The following ANKRD54 variants were observed in gnomAD, a reference collection of about 807,000 sequenced individuals.
ANKRD54 encodes ankyrin repeat domain 54, also known as ankyrin repeat domain-containing protein 54.
A neutral mutation model predicts 36.2 loss-of-function variants in ANKRD54; 26 were observed. That is an observed-to-expected ratio of 0.72 (90% CI 0.53 to 1.00). The LOEUF (loss-of-function observed/expected upper bound fraction) is 1.00, where lower values mean the gene tolerates loss of function less well. ANKRD54 is among the 50% of genes least tolerant of loss of function. ANKRD54 has a pLI of 0.00. For synonymous variants in ANKRD54, 209 were observed against 188.4 expected, an observed-to-expected ratio of 1.11 and a Z score of -0.89; for missense variants, 384 against 424.3, an observed-to-expected ratio of 0.91 and a Z score of 0.83.
chr22:37,836,374 A>T (rs1923534993), intron 3 of ANKRD54, among the ~76,000 whole-genome samples: 1 of 136,662 alleles, frequency 7.3e-6, no homozygotes, highest in African/African-American at 2.7e-5. Flanking sequence ...TTAACCCGGG[A>T]GGCAGAGGTT....
chr22:37,849,134 G>T, upstream of ANKRD54: 1 of 452,968 alleles, frequency 2.2e-6, no homozygotes, highest in South Asian at 4.4e-5. Flanking sequence ...TTACAGGCAT[G>T]CGCCACCACT....
chr22:37,835,528 C>G (rs538941929), intron 3 of ANKRD54, among the ~76,000 whole-genome samples: 1 of 151,912 alleles, frequency 6.6e-6, no homozygotes, highest in South Asian at 2.1e-4. Flanking sequence ...AGAAAAAGGC[C>G]AGGCGCAGTG....
At position 37,831,179 on chromosome 22, in the gene ANKRD54, T is replaced by C. The variant is rs1302338019; in HGVS notation, c.*764A>G. On this transcript the variant is annotated 3_prime_UTR_variant, in exon 8 of 8. Coordinates refer to ENST00000215941, the MANE Select transcript of ANKRD54 (RefSeq NM_138797.4). ...GCGAAAGATCCTTAACTTCATTACA[T>C]CTGCAAAGCCCCTTTGGCCATACAA... 6.6e-6 allele frequency: 1 copy of C among 152,246 alleles called. No individual in the cohort carries two copies. Among genetic ancestry groups the C allele is most frequent in the African/African-American group, 2.4e-5 (1 of 41,454 alleles). 9.4% of individuals were successfully genotyped at this position (152,246 alleles called of 1,614,324 possible).
At chr22:37,841,651 C>T (rs1924271646) in intron 1 of ANKRD54, among the ~76,000 whole-genome samples, 1 of 151,874 alleles carries the variant, frequency 6.6e-6, no homozygotes, top group Admixed American at 6.6e-5. Flanking sequence ...AGTTTGAGAC[C>T]AGCCTGGCCA....
intron 7 of ANKRD54, 35 bp downstream of exon 7, chr22:37,832,602 C>T (rs1923020622): frequency 6.2e-7 from 1 of 1,603,228 alleles, no homozygotes; most frequent in African/African-American, 1.3e-5. Flanking sequence ...AGGCTCCTGC[C>T]AGGCCCTGGG....
At chr22:37,843,436 A>T (rs1225718575) in intron 1 of ANKRD54, among the ~76,000 whole-genome samples, 1 of 152,022 alleles carries the variant, frequency 6.6e-6, no homozygotes, top group East Asian at 1.9e-4. Context: ...AAAGATAATA[A>T]TAATAAATAA....
chr22:37,833,925 A>C, intron 3 of ANKRD54, 170 bp from the exon 4 acceptor site: 1 of 634,820 alleles, frequency 1.6e-6, no homozygotes, highest in Non-Finnish European at 2.8e-6. Context: ...ACCAGAGTTC[A>C]TGGGCAAAGC....
Position 37,841,784 on chromosome 22 carries a change from G to T in ANKRD54, c.329-1550C>A, listed in dbSNP as rs1235964553. Among the ~76,000 whole-genome samples the T allele has an allele frequency of 4.0e-5, 6 of 151,692 alleles. No individual in the cohort carries two copies. In the South Asian group the frequency reaches 6.2e-4, roughly 16 times the overall value. On this transcript the variant is annotated intron_variant, in intron 1 of 7. Transcript: ENST00000215941. ...AATCACTTGAACTTGAGAGCCGGAG[G>T]TTGCAGTGAGCCAAGATCGCGCCAC...
chr22:37,835,995 C>T (rs1010817581), intron 3 of ANKRD54, among the ~76,000 whole-genome samples: 7 of 152,052 alleles, frequency 4.6e-5, no homozygotes, highest in South Asian at 2.1e-4. Flanking sequence ...CCACCACACC[C>T]GGCTAAGTTT....
At chr22:37,847,008 T>G (rs1403582098), upstream of ANKRD54, among the ~76,000 whole-genome samples, 1 of 142,638 alleles carries the variant, frequency 7.0e-6, no homozygotes, top group African/African-American at 2.6e-5. Context: ...CGCCCGCCAC[T>G]ACGCCCGGCT....
chr22:37,833,129 A>G (rs754947629), intron 5 of ANKRD54, 30 bp downstream of exon 5: 2 of 1,613,976 alleles, frequency 1.2e-6, no homozygotes, highest in Middle Eastern at 1.6e-4. Context: ...AGGGGGAGAA[A>G]GAGGACAGAG....
chr22:37,835,532 C>T (rs557323655), intron 3 of ANKRD54, among the ~76,000 whole-genome samples: 12 of 152,212 alleles, frequency 7.9e-5, no homozygotes, highest in African/African-American at 2.6e-4. Context: ...AAAGGCCAGG[C>T]GCAGTGGCTC....
chr22:37,837,167 G>A (rs887373729), intron 3 of ANKRD54, among the ~76,000 whole-genome samples: 15 of 152,138 alleles, frequency 9.9e-5, no homozygotes, highest in African/African-American at 3.6e-4. Flanking sequence ...TGGCAGGGAC[G>A]TAGGGAAAGG....
At chr22:37,832,540 C>G (rs771008742) in intron 7 of ANKRD54, 97 bp downstream of exon 7, 4 of 1,178,690 alleles carry the variant, frequency 3.4e-6, no homozygotes, top group Non-Finnish European at 4.9e-6. Flanking sequence ...AGCCCACAGC[C>G]TCTTTCTGAT....
intron 1 of ANKRD54, 38 bp downstream of exon 1, chr22:37,843,873 G>C (rs1924597435): frequency 3.4e-6 from 4 of 1,193,960 alleles, no homozygotes; most frequent in Non-Finnish European, 4.1e-6. Flanking sequence ...CGCCCGGGCT[G>C]CCCCGCCCCG....
At chr22:37,846,721 C>A (rs1026616481), upstream of ANKRD54, among the ~76,000 whole-genome samples, 1 of 152,212 alleles carries the variant, frequency 6.6e-6, no homozygotes, top group Non-Finnish European at 1.5e-5. Context: ...CCACCACATC[C>A]AGCCCCATGA....
At chr22:37,838,262 T>A (rs1391450511) in intron 3 of ANKRD54, among the ~76,000 whole-genome samples, 1 of 152,210 alleles carries the variant, frequency 6.6e-6, no homozygotes, top group African/African-American at 2.4e-5. Context: ...TAGTTGGAGA[T>A]ATCCCTTCAT....
intron 1 of ANKRD54, among the ~76,000 whole-genome samples, chr22:37,841,334 TG>T (rs964921858): frequency 2.6e-5 from 4 of 151,994 alleles, no homozygotes; most frequent in African/African-American, 9.7e-5. Context: ...GAAACCACCC[TG>T]GGCAACATGG....
chr22:37,840,095 G>T, intron 2 of ANKRD54, 92 bp downstream of exon 2: 1 of 1,452,744 alleles, frequency 6.9e-7, no homozygotes, highest in Non-Finnish European at 9.7e-7. Flanking sequence ...GCGTGAGTTT[G>T]CAGACTGCCT....
Sources: gnomAD v4.1 joint callset for allele counts (sites outside exome capture counted in the v4.1 genomes callset) on GRCh38, gnomAD v4.1.1 for gene constraint, MANE v1.5 for transcripts, NCBI Gene and HGNC (gene_info 2026-07-23, HGNC 2026-07-21) for gene names.